The following LTBP1 variants were observed in gnomAD, a reference collection of about 807,000 sequenced individuals.
The protein encoded by LTBP1 is latent-transforming growth factor beta-binding protein 1.
Under a neutral mutation model 207.6 loss-of-function variants are expected in LTBP1, and 129 were observed. That is an observed-to-expected ratio of 0.62 (90% confidence interval 0.54 to 0.72). The LOEUF (loss-of-function observed/expected upper bound fraction) is 0.72. Ranked by LOEUF, LTBP1 falls within the 30% of genes least tolerant of loss-of-function variation. The pLI, the probability that LTBP1 is intolerant of heterozygous loss-of-function variation, is 0.00. For synonymous variants in LTBP1, 963 were observed against 833.7 expected (o/e 1.16, Z -2.67); for missense variants, 2,281 against 2,217.2 (o/e 1.03, Z -0.58).
chr2:33,034,653 G>C (rs1414843773), intron 3 of LTBP1, among the ~76,000 whole-genome samples: 2 of 152,042 alleles, frequency 1.3e-5, no homozygotes, highest in Non-Finnish European at 2.9e-5. Flanking sequence ...ATTATATACA[G>C]TACACAACAT....
At chr2:33,219,883 C>T (rs1004464666) in intron 8 of LTBP1, among the ~76,000 whole-genome samples, 4 of 151,938 alleles carry the variant, frequency 2.6e-5, no homozygotes, top group Non-Finnish European at 4.4e-5. Context: ...CCCTAACTTC[C>T]ACTCTTGACC....
intron 7 of LTBP1, among the ~76,000 whole-genome samples, chr2:33,207,846 A>C (rs2089997779): frequency 6.6e-6 from 1 of 152,212 alleles, no homozygotes; most frequent in East Asian, 1.9e-4. Flanking sequence ...TTGGAGCCAT[A>C]GTTGATTCAG....
intron 4 of LTBP1, among the ~76,000 whole-genome samples, chr2:33,117,713 G>A (rs17397526): frequency 0.12 from 17,689 of 152,200 alleles, 1,234 homozygotes; most frequent in Non-Finnish European, 0.17. Flanking sequence ...TGTCCCTGGC[G>A]TAGTTGAGAG....
chr2:33,313,500 A>G (rs2094216422), intron 23 of LTBP1, among the ~76,000 whole-genome samples: 1 of 152,198 alleles, frequency 6.6e-6, no homozygotes, highest in Non-Finnish European at 1.5e-5. Context: ...AAGAACATAC[A>G]TTCTGTACCT....
chr2:33,231,985 G>A (rs1025073822), intron 9 of LTBP1, among the ~76,000 whole-genome samples: 1 of 152,174 alleles, frequency 6.6e-6, no homozygotes, highest in Admixed American at 6.5e-5. Flanking sequence ...GAGTTTTGGG[G>A]TAGGGGAGAG....
At chr2:33,208,849 G>A (rs1039115310) in intron 7 of LTBP1, among the ~76,000 whole-genome samples, 1 of 149,334 alleles carries the variant, frequency 6.7e-6, no homozygotes, top group African/African-American at 2.5e-5. Context: ...TTAGTGTCTA[G>A]TCCAGTCTTG....
intron 10 of LTBP1, among the ~76,000 whole-genome samples, chr2:33,251,827 C>A (rs1445449125): frequency 6.6e-6 from 1 of 152,070 alleles, no homozygotes; most frequent in East Asian, 1.9e-4. Flanking sequence ...TTGGCCTGAC[C>A]TGGACCTGGT....
intron 24 of LTBP1, among the ~76,000 whole-genome samples, chr2:33,327,278 A>G (rs2094439936): frequency 6.6e-6 from 1 of 152,200 alleles, no homozygotes; most frequent in Non-Finnish European, 1.5e-5. Flanking sequence ...GTCTTCTATC[A>G]TTTTTTAAAA....
chr2:33,180,850 A>G (rs940088119), intron 5 of LTBP1, among the ~76,000 whole-genome samples: 5 of 152,156 alleles, frequency 3.3e-5, no homozygotes, highest in Admixed American at 1.3e-4. Context: ...TGGGGGGAGA[A>G]ATAATGTGGT....
chr2:33,191,164 T>G (rs1042236586), intron 7 of LTBP1, among the ~76,000 whole-genome samples: 1 of 152,128 alleles, frequency 6.6e-6, no homozygotes, highest in Non-Finnish European at 1.5e-5. Context: ...GGAACACAGA[T>G]GATAAAAAGC....
intron 2 of LTBP1, among the ~76,000 whole-genome samples, chr2:32,988,297 T>G (rs966495788): frequency 1.3e-5 from 2 of 152,232 alleles, no homozygotes; most frequent in South Asian, 4.1e-4. Flanking sequence ...GGTGGACCTT[T>G]GTTATTTGCT....
rs145603302 is a variant in LTBP1 at position 33,035,370 on chromosome 2, A to T, written c.863+14164A>T. Among the ~76,000 whole-genome samples the T allele has an allele frequency of 3.7e-3, 559 of 152,348 alleles. 3 individuals are homozygous for T. Among genetic ancestry groups the T allele is most frequent in the African/African-American group, 0.013 (520 of 41,580 alleles). ...AGAGTTCCATGAAAGTGTTTTGAAA[A>T]ATTAGAGAGGAAAAACACATTTTGA... is the stretch of plus-strand genomic sequence containing the variant. On this transcript the variant is annotated intron_variant, in intron 3 of 33. Coordinates refer to ENST00000404816, the MANE Select transcript of LTBP1 (RefSeq NM_206943.4).
At chr2:33,391,538 C>T (rs1047735265) in intron 32 of LTBP1, among the ~76,000 whole-genome samples, 1 of 152,206 alleles carries the variant, frequency 6.6e-6, no homozygotes, top group Non-Finnish European at 1.5e-5. Flanking sequence ...GCAACTCTGA[C>T]AATCCCGTGG....
At chr2:33,276,954 T>G (rs147024549) in intron 18 of LTBP1, among the ~76,000 whole-genome samples, 4 of 152,212 alleles carry the variant, frequency 2.6e-5, no homozygotes, top group African/African-American at 9.7e-5. Context: ...CATGGAAATA[T>G]GAGGGTGAAG....
At chr2:33,387,199 C>A (rs2095273554) in intron 31 of LTBP1, among the ~76,000 whole-genome samples, 1 of 152,154 alleles carries the variant, frequency 6.6e-6, no homozygotes. Flanking sequence ...AAATATGGAA[C>A]AAGTCTGTCT....
intron 26 of LTBP1, among the ~76,000 whole-genome samples, chr2:33,350,759 G>A (rs1025270206): frequency 6.9e-6 from 1 of 144,456 alleles, no homozygotes; most frequent in African/African-American, 2.4e-5. Context: ...AATATAGTCT[G>A]ATGCTATTAT....
At position 32,976,440 on chromosome 2, in the gene LTBP1, C is replaced by T. The variant is rs113877094; in HGVS notation, c.565+27495C>T. On this transcript the variant is annotated intron_variant, in intron 2 of 33. Transcript: ENST00000404816. ...AGCCTTTGCATTAAGTTTTCATAGG[C>T]ACTATATCCTGGCAAAATATTTTAC... Among the ~76,000 whole-genome samples, 159 of 152,294 alleles carry T rather than the reference C, an allele frequency of 1.0e-3. 2 individuals are homozygous for T. Among genetic ancestry groups the T allele is most frequent in the African/African-American group, 3.6e-3 (150 of 41,540 alleles).
chr2:32,947,573 G>A lies in LTBP1; in HGVS notation c.249G>A (p.Arg83=). 2 of 1,331,036 alleles carry A rather than the reference G, an allele frequency of 1.5e-6. No individual in the cohort carries two copies. The highest frequency in any genetic ancestry group is 1.9e-6 in the Non-Finnish European group (2 of 1,044,828). 82.5% of individuals were successfully genotyped at this position (1,331,036 alleles called of 1,614,324 possible). Residue 83 remains arginine (R), a synonymous_variant, in exon 1 of 34, where the codon AGG becomes AGA. Coordinates refer to ENST00000404816, the MANE Select transcript of LTBP1 (RefSeq NM_206943.4). ...SRASPGVPSE[R]TRRTSKPGGA... ...CCTCCCCCGGGGTCCCCTCGGAGAG[G>A]ACCCGGCGCACGAGCAAGCCGGGCG...
intron 2 of LTBP1, among the ~76,000 whole-genome samples, chr2:33,005,206 T>C (rs72791744): frequency 0.097 from 14,758 of 152,182 alleles, 961 homozygotes; most frequent in Non-Finnish European, 0.14. Flanking sequence ...ATTTATTTGC[T>C]TATGGTTTTG....
Sources: allele counts gnomAD v4.1 joint callset (sites outside exome capture counted in the v4.1 genomes callset), GRCh38; gene constraint gnomAD v4.1.1; transcripts MANE v1.5; gene names NCBI Gene and HGNC (gene_info 2026-07-23, HGNC 2026-07-21).